Variants in AFF2 observed in about 807,000 individuals in gnomAD.
The protein encoded by AFF2 is ALF transcription elongation factor 2, also known as AF4/FMR2 family member 2.
AFF2 carries 14 observed loss-of-function variants against 76.9 expected under a neutral mutation model. That is an observed-to-expected ratio of 0.18 (90% CI 0.12 to 0.28). The LOEUF (loss-of-function observed/expected upper bound fraction) is 0.28. Ranked by LOEUF, AFF2 falls within the 10% of genes least tolerant of loss-of-function variation. AFF2 has a pLI of 1.00. For synonymous variants in AFF2, 398 were observed against 366.7 expected (o/e 1.09, Z -0.98); for missense variants, 868 against 1,001.1 (o/e 0.87, Z 1.79).
At chrX:148,501,289 G>A in intron 1 of AFF2, 145 bp downstream of exon 1, 1 of 767,302 alleles carries the variant, frequency 1.3e-6, no homozygotes, top group Non-Finnish European at 1.9e-6. Context: ...TCTGGCCCCG[G>A]CCGCGCTGAC....
chrX:148,756,855 A>G, intron 3 of AFF2, among the ~76,000 whole-genome samples: 1 of 112,268 alleles, frequency 8.9e-6, no homozygotes, highest in Non-Finnish European at 1.9e-5. Flanking sequence ...TAAGTGAATA[A>G]AAGTAGAACT....
At chrX:148,538,448 A>C (rs140556718) in intron 1 of AFF2, among the ~76,000 whole-genome samples, 37 of 112,153 alleles carry the variant, frequency 3.3e-4, no homozygotes, top group African/African-American at 1.2e-3. Flanking sequence ...TCAACTTACG[A>C]GGTCCATGCT....
At chrX:148,773,763 A>G (rs1319553996) in intron 3 of AFF2, among the ~76,000 whole-genome samples, 10 of 110,550 alleles carry the variant, frequency 9.0e-5, no homozygotes, top group African/African-American at 3.0e-4. Context: ...AAAGAAGGAA[A>G]GAAAGAAAGA....
rs2052336605 is a variant in AFF2 at position 148,500,743 on chromosome X, T to TGCC, written c.-347_-345dup. 2.4e-5 allele frequency: 2 copies of TGCC among 83,208 alleles called. No homozygotes were observed. Among genetic ancestry groups the TGCC allele is most frequent in the Middle Eastern group, 0.019 (2 of 108 alleles). 6.9% of individuals were successfully genotyped at this position (83,208 alleles called of 1,213,427 possible). A position where few individuals can be genotyped will look rare whatever the true frequency, so the allele number is the denominator to read the frequency against. ...CTGCCCCGGCCGCCCCCGCCGCCGC[T>TGCC]GCCGCCGCCGGCCCGCAGCCAGCCA... On this transcript the variant is annotated 5_prime_UTR_variant, in exon 1 of 21. Transcript: ENST00000370460.
At chrX:148,509,873 T>C (rs553080879) in intron 1 of AFF2, among the ~76,000 whole-genome samples, 3 of 112,064 alleles carry the variant, frequency 2.7e-5, no homozygotes, top group South Asian at 7.5e-4. Flanking sequence ...TTTGCCTGGC[T>C]ATGTCATTGT....
intron 1 of AFF2, among the ~76,000 whole-genome samples, chrX:148,512,047 T>C (rs1288873259): frequency 8.9e-6 from 1 of 111,797 alleles, no homozygotes; most frequent in South Asian, 3.7e-4. Context: ...GACTTTAAGC[T>C]ACATATTAGG....
At chrX:148,849,689 T>G (rs1177102450) in intron 7 of AFF2, among the ~76,000 whole-genome samples, 1 of 111,201 alleles carries the variant, frequency 9.0e-6, no homozygotes, top group Non-Finnish European at 1.9e-5. Context: ...TTACAAGCAA[T>G]CCCATGGGTT....
chrX:148,675,288 A>C (rs1294870293), intron 3 of AFF2, among the ~76,000 whole-genome samples: 2 of 111,412 alleles, frequency 1.8e-5, no homozygotes, highest in African/African-American at 3.3e-5. Context: ...ATGGAGAAAA[A>C]AAAAAAGGAG....
intron 9 of AFF2, among the ~76,000 whole-genome samples, chrX:148,908,830 G>A (rs2071438371): frequency 8.9e-6 from 1 of 112,160 alleles, no homozygotes; most frequent in African/African-American, 3.2e-5. Context: ...TCAAATTTCA[G>A]TAAGCATAAA....
chrX:148,779,054 A>G (rs1557268841), intron 3 of AFF2, among the ~76,000 whole-genome samples: 1 of 111,155 alleles, frequency 9.0e-6, no homozygotes, highest in African/African-American at 3.3e-5. Context: ...CTTTGTTCTC[A>G]TTGGTTTCAA....
At chrX:148,705,714 C>A (rs782711763) in intron 3 of AFF2, among the ~76,000 whole-genome samples, 94 of 112,130 alleles carry the variant, frequency 8.4e-4, no homozygotes, top group African/African-American at 3.0e-3. Context: ...ATGAAAACTT[C>A]ATCAAGGCCA....
intron 3 of AFF2, among the ~76,000 whole-genome samples, chrX:148,696,022 G>C (rs2054718234): frequency 2.7e-5 from 3 of 112,113 alleles, no homozygotes; most frequent in Admixed American, 9.5e-5. Flanking sequence ...ACAAGACAAA[G>C]AAACAAATCT....
rs782307343 is a variant in AFF2, at chrX:148,850,373, C to T, written c.1262+6940C>T. On this transcript the variant is annotated intron_variant, in intron 7 of 20. Transcript: ENST00000370460. ...TATCCCCATCTGTTATCAACCACAG[C>T]GGCATATTTCCAAATTCTTCTCAGC... 1.4e-4 allele frequency among the ~76,000 whole-genome samples: 16 copies of T among 112,060 alleles called. No homozygotes were observed. In the East Asian group the frequency reaches 1.7e-3, roughly 12 times the overall value.
At position 148,897,259 on chromosome X, in the gene AFF2, ATATATATATATATG is replaced by A. The variant is rs551442768; in HGVS notation, c.1360-6956_1360-6943del. On this transcript the variant is annotated intron_variant, in intron 8 of 20. Transcript: ENST00000370460. ...TATATATATATATATATATATATAT[ATATATATATATATG>A]TATATGAAAAATATATATATCCATA... Among the ~76,000 whole-genome samples, 276 of 41,893 alleles carry A rather than the reference ATATATATATATATG, an allele frequency of 6.6e-3. 27 individuals are homozygous for A. Among genetic ancestry groups the A allele is most frequent in the African/African-American group, 0.02 (185 of 9,183 alleles). The allele number at this position is 41,893 out of a possible 115,157, so 36.4% of individuals were successfully genotyped here.
chrX:148,647,361 C>T (rs2188394), intron 1 of AFF2, among the ~76,000 whole-genome samples: 21,380 of 110,686 alleles, frequency 0.19, 1,514 homozygotes, highest in Non-Finnish European at 0.2. Context: ...TTTTTATTCC[C>T]CAAGTGGCTT....
At chrX:148,895,167 G>C (rs1336324505) in intron 8 of AFF2, among the ~76,000 whole-genome samples, 2 of 111,258 alleles carry the variant, frequency 1.8e-5, no homozygotes, top group East Asian at 5.7e-4. Flanking sequence ...ACCTCTGTGA[G>C]GCAAAGCTGA....
chrX:148,516,436 G>A (rs1275009638), intron 1 of AFF2, among the ~76,000 whole-genome samples: 5 of 111,575 alleles, frequency 4.5e-5, no homozygotes, highest in Non-Finnish European at 7.5e-5. Flanking sequence ...TAACAGGAAC[G>A]TTTCCAGGAG....
intron 16 of AFF2, among the ~76,000 whole-genome samples, chrX:148,975,046 G>A (rs5936461): frequency 0.26 from 29,017 of 110,941 alleles, 2,762 homozygotes; most frequent in African/African-American, 0.29. Flanking sequence ...ACAAGAAAAC[G>A]TAACAATGAT....
At chrX:148,514,292 T>C (rs782277003) in intron 1 of AFF2, among the ~76,000 whole-genome samples, 2 of 112,585 alleles carry the variant, frequency 1.8e-5, no homozygotes, top group South Asian at 7.3e-4. Context: ...GGTGTTTTCT[T>C]ATGTTTTGTC....
Sources: allele counts gnomAD v4.1 joint callset (sites outside exome capture counted in the v4.1 genomes callset), GRCh38; gene constraint gnomAD v4.1.1; transcripts MANE v1.5; gene names NCBI Gene and HGNC (gene_info 2026-07-23, HGNC 2026-07-21).